Variants in P4HA2 observed in about 807,000 individuals in gnomAD.
P4HA2 encodes prolyl 4-hydroxylase subunit alpha-2.
P4HA2 carries 46 observed loss-of-function variants against 76.9 expected under a neutral mutation model. That is an observed-to-expected ratio of 0.60 (90% CI 0.47 to 0.76). The LOEUF (loss-of-function observed/expected upper bound fraction) is 0.76, where lower values mean the gene tolerates loss of function less well. Ranked by LOEUF, P4HA2 falls within the 30% of genes least tolerant of loss-of-function variation. P4HA2 has a pLI of 0.00. For synonymous variants in P4HA2, 243 were observed against 254.0 expected (o/e 0.96, Z 0.41); for missense variants, 583 against 669.4 (o/e 0.87, Z 1.42).
In P4HA2 at chr5:132,204,101, T is replaced by C; in HGVS notation, c.1132A>G (p.Ser378Gly). 5 of 1,613,942 alleles carry C rather than the reference T, an allele frequency of 3.1e-6. No individual in the cohort carries two copies. Among genetic ancestry groups the C allele is most frequent in the South Asian group, 1.1e-5 (1 of 91,080 alleles). The change falls in exon 9 of 15, where the codon AGC becomes GGC. Residue 378 changes from serine (S) to glycine (G), a missense_variant. Ser to Gly is a moderately conservative substitution (Grantham distance 56). Coordinates refer to ENST00000360568, the MANE Select transcript of P4HA2 (RefSeq NM_001017974.2). The stretch of plus-strand genomic sequence containing the variant: ...GCTTACCTTTTGGAAACCCGGTAGC[T>C]GGCGACAGTGAGGACTCCTGTCTTG... ...DPKTGVLTVA[S>G]YRVSKSSWLE... is the part of the protein sequence containing the mutation.
Position 132,192,420 on chromosome 5 carries a change from CTT to C in P4HA2, c.*588_*589del, listed in dbSNP as rs1210081779. On this transcript the variant is annotated 3_prime_UTR_variant, in exon 15 of 15. Coordinates refer to ENST00000360568, the MANE Select transcript of P4HA2 (RefSeq NM_001017974.2). ...AGACAAAGAGAAACTATTTACCCTA[CTT>C]TCCAGAAAAGGACACTGACACTTAG... The C allele has an allele frequency of 6.6e-6, 1 of 152,440 alleles. No homozygotes were observed. Among genetic ancestry groups the C allele is most frequent in the African/African-American group, 2.4e-5 (1 of 41,440 alleles). 9.4% of individuals were successfully genotyped at this position (152,440 alleles called of 1,614,324 possible). A position where few individuals can be genotyped will look rare whatever the true frequency, so the allele number is the denominator to read the frequency against.
At position 132,209,120 on chromosome 5, in the gene P4HA2, C is replaced by A. The variant is rs1354086201; in HGVS notation, c.903+18G>T. The A allele has an allele frequency of 6.3e-7, 1 of 1,594,766 alleles. No homozygotes were observed. The highest frequency in any genetic ancestry group is 1.1e-5 in the South Asian group (1 of 88,740). On this transcript the variant is annotated intron_variant, in intron 7 of 14. Transcript: ENST00000360568. ...CAGGTCCACAGCTTTGGCACCCTAG[C>A]CCCCTCACACATCTCACCAGTTTGA...
At chr5:132,197,970 A>C (rs75581418) in intron 12 of P4HA2, 16,651 of 982,076 alleles carry the variant, frequency 0.017, 163 homozygotes, top group Middle Eastern at 0.018. Flanking sequence ...TCACAATTTT[A>C]AACACTGGGG....
At chr5:132,211,018 G>A (rs1753012132) in intron 5 of P4HA2, among the ~76,000 whole-genome samples, 1 of 152,362 alleles carries the variant, frequency 6.6e-6, no homozygotes, top group East Asian at 1.9e-4. Flanking sequence ...GCTCCAGGGA[G>A]CACCTACCCA....
chr5:132,199,281 G>A (rs1751156498), intron 10 of P4HA2, among the ~76,000 whole-genome samples: 1 of 152,218 alleles, frequency 6.6e-6, no homozygotes, highest in African/African-American at 2.4e-5. Flanking sequence ...GACCCAGTTT[G>A]TTTGGGACAT....
chr5:132,216,539 A>G (rs1467218742), intron 4 of P4HA2, among the ~76,000 whole-genome samples: 1 of 152,234 alleles, frequency 6.6e-6, no homozygotes, highest in Non-Finnish European at 1.5e-5. Context: ...AGCCATTAAA[A>G]TCATGTTGCA....
intron 2 of P4HA2, 44 bp from the exon 3 acceptor site, chr5:132,217,892 G>T: frequency 8.3e-7 from 1 of 1,203,392 alleles, no homozygotes; most frequent in Non-Finnish European, 1.2e-6. Context: ...ACAGATGAGG[G>T]ATGTCCAGCC....
At chr5:132,221,180 G>C (rs1055928941) in intron 1 of P4HA2, among the ~76,000 whole-genome samples, 1 of 152,208 alleles carries the variant, frequency 6.6e-6, no homozygotes, top group Non-Finnish European at 1.5e-5. Flanking sequence ...GAAAGTATGT[G>C]TACCTGCTGA....
At chr5:132,221,274 A>G (rs1051131722) in intron 1 of P4HA2, among the ~76,000 whole-genome samples, 1 of 152,202 alleles carries the variant, frequency 6.6e-6, no homozygotes, top group African/African-American at 2.4e-5. Context: ...GAGGTGAACA[A>G]TGTCAAACCC....
At chr5:132,199,181 C>T (rs1235845751) in intron 10 of P4HA2, among the ~76,000 whole-genome samples, 3 of 152,226 alleles carry the variant, frequency 2.0e-5, no homozygotes, top group African/African-American at 7.2e-5. Context: ...GATGGGTGAA[C>T]TGCATATGAT....
chr5:132,205,501 G>A (rs1430484956), intron 8 of P4HA2, among the ~76,000 whole-genome samples: 2 of 152,154 alleles, frequency 1.3e-5, no homozygotes, highest in African/African-American at 2.4e-5. Context: ...GGATCACTGT[G>A]AATACCTCAT....
In P4HA2 at chr5:132,194,936, G is replaced by A; in HGVS notation, c.1521C>T (p.Gly507=). ...TRHAACPVLV[G]CKWVSNKWFH... ...CCTTAAGACACTCACCCCACTTGCAGCCCACAAGCACAGGGCAGGCAGCAT... is the reference window on the plus strand; with the variant it reads ...CCTTAAGACACTCACCCCACTTGCAACCCACAAGCACAGGGCAGGCAGCAT... Residue 507 remains glycine (G), a synonymous_variant, in exon 14 of 15, where the codon GGC becomes GGT. Transcript: ENST00000360568. 6.2e-7 allele frequency: 1 copy of A among 1,610,866 alleles called. No homozygotes were observed. Among genetic ancestry groups the A allele is most frequent in the East Asian group, 2.2e-5 (1 of 44,868 alleles).
chr5:132,209,170 C>G lies in P4HA2; in HGVS notation c.871G>C (p.Glu291Gln). The G allele has an allele frequency of 1.2e-6, 2 of 1,613,934 alleles. No individual in the cohort carries two copies. The highest frequency in any genetic ancestry group is 1.7e-6 in the Non-Finnish European group (2 of 1,179,902). ...ACACCCTCCCCACGACAGAGGCTCT[C>G]GTAAACATCCCTCTCAGGCAGGTAG... Reference protein sequence around the residue: ...VDYLPERDVYESLCRGEGVKL... With the variant: ...VDYLPERDVYQSLCRGEGVKL... Residue 291 changes from glutamate (E) to glutamine (Q), a missense_variant, in exon 7 of 15, where the codon GAG becomes CAG. By Grantham distance (29) the Glu-to-Gln change is conservative (BLOSUM62 2). Coordinates refer to ENST00000360568, the MANE Select transcript of P4HA2 (RefSeq NM_001017974.2).
chr5:132,220,911 G>A (rs1754570220), intron 1 of P4HA2, among the ~76,000 whole-genome samples: 1 of 152,206 alleles, frequency 6.6e-6, no homozygotes, highest in Admixed American at 6.5e-5. Flanking sequence ...CTAGCCTGGA[G>A]AGCTGGGCAC....
chr5:132,209,770 C>CCA (rs1554073511), intron 6 of P4HA2, among the ~76,000 whole-genome samples: 5,015 of 95,040 alleles, frequency 0.053, 185 homozygotes, highest in East Asian at 0.14. Context: ...GACTCTGTCT[C>CCA]AAAAAAAAAA....
intron 11 of P4HA2, among the ~76,000 whole-genome samples, 200 bp downstream of exon 11, chr5:132,198,679 G>C (rs1473144746): frequency 6.6e-6 from 1 of 152,178 alleles, no homozygotes; most frequent in African/African-American, 2.4e-5. Context: ...AGACAGCCAG[G>C]CTCCACTGCA....
At chr5:132,197,034 C>G (rs1461416527) in intron 12 of P4HA2, among the ~76,000 whole-genome samples, 1 of 152,146 alleles carries the variant, frequency 6.6e-6, no homozygotes, top group Non-Finnish European at 1.5e-5. Flanking sequence ...AAAAAATGGA[C>G]ACAGGCTTCT....
rs1554073511 is a variant in P4HA2, at chr5:132,209,770, C to CCAA, written c.710-440_710-439insTTG. On this transcript the variant is annotated intron_variant, in intron 6 of 14. Coordinates refer to ENST00000360568, the MANE Select transcript of P4HA2 (RefSeq NM_001017974.2). ...AGGCTGGATGAGTGAGACTCTGTCT[C>CCAA]AAAAAAAAAAAAAAAAAAAGGTAGA... Among the ~76,000 whole-genome samples the CCAA allele has an allele frequency of 4.7e-4, 45 of 95,076 alleles. 1 individual carries two copies. The highest frequency in any genetic ancestry group is 1.3e-3 in the African/African-American group (32 of 24,208). 62.4% of individuals were successfully genotyped at this position (95,076 alleles called of 152,430 possible). A position where few individuals can be genotyped will look rare whatever the true frequency, so the allele number is the denominator to read the frequency against.
chr5:132,191,714 A>G lies in P4HA2; in HGVS notation c.*1296T>C, dbSNP rs2126516204. ...GGAATACATTATTTAGTAAAGTTGG[A>G]ACACCATTAAGACTCCACATTTCCA... On this transcript the variant is annotated 3_prime_UTR_variant, in exon 15 of 15. Transcript: ENST00000360568. 1 of 152,242 alleles carries G rather than the reference A, an allele frequency of 6.6e-6. No homozygotes were observed. The highest frequency in any genetic ancestry group is 2.1e-4 in the South Asian group (1 of 4,820). The allele number at this position is 152,242 out of a possible 1,614,324, so 9.4% of individuals were successfully genotyped here.
Sources: allele counts gnomAD v4.1 joint callset (sites outside exome capture counted in the v4.1 genomes callset), GRCh38; gene constraint gnomAD v4.1.1; transcripts MANE v1.5; gene names NCBI Gene and HGNC (gene_info 2026-07-23, HGNC 2026-07-21).